The following MROH2A variants were observed in gnomAD, a reference collection of about 807,000 sequenced individuals.
MROH2A encodes maestro heat-like repeat-containing protein family member 2A.
MROH2A carries 174 observed loss-of-function variants against 200.4 expected under a neutral mutation model. The observed-to-expected ratio is 0.87, with a 90% CI of 0.77 to 0.98. The LOEUF (loss-of-function observed/expected upper bound fraction) is 0.98, where lower values mean the gene tolerates loss of function less well. Ranked by LOEUF, MROH2A falls within the 50% of genes least tolerant of loss-of-function variation. The pLI is 0.00. For synonymous variants in MROH2A, 829 were observed against 840.4 expected (o/e 0.99, Z 0.23); for missense variants, 2,045 against 2,139.6 (o/e 0.96, Z 0.87).
Position 233,833,364 on chromosome 2 carries a change from A to G in MROH2A, c.*105A>G. 5 of 1,215,834 alleles carry G rather than the reference A, an allele frequency of 4.1e-6. No individual in the cohort carries two copies. The highest frequency in any genetic ancestry group is 5.5e-6 in the Non-Finnish European group (5 of 902,922). The allele number at this position is 1,215,834 out of a possible 1,614,324, so 75.3% of individuals were successfully genotyped here. A position where few individuals can be genotyped will look rare whatever the true frequency, so the allele number is the denominator to read the frequency against. ...TTTGTAGGAAAAACACTATTGTAAA[A>G]TAACTAGTATCCTTTTGTTTCCTTC... On this transcript the variant is annotated 3_prime_UTR_variant, in exon 42 of 42. Transcript: ENST00000389758.
chr2:233,811,125 C>T (rs1307262911), intron 23 of MROH2A, among the ~76,000 whole-genome samples: 1 of 152,160 alleles, frequency 6.6e-6, no homozygotes, highest in Non-Finnish European at 1.5e-5. Flanking sequence ...TGTTTGGAAA[C>T]CAGGGTGGGA....
chr2:233,787,769 CATATATATTATATATATCATATATA>C lies in MROH2A; in HGVS notation c.277-1710_277-1686del, dbSNP rs1701351697. 1.1e-4 allele frequency among the ~76,000 whole-genome samples: 2 copies of C among 18,434 alleles called. 1 individual carries two copies. The highest frequency in any genetic ancestry group is 6.5e-4 in the African/African-American group (2 of 3,068). 12.1% of individuals were successfully genotyped at this position (18,434 alleles called of 152,430 possible). A position where few individuals can be genotyped will look rare whatever the true frequency, so the allele number is the denominator to read the frequency against. ...ATATATATTATATATATCATATATA[CATATATATTATATATATCATATATA>C]ATATATATTATATATATTATATATA... is the stretch of plus-strand genomic sequence containing the variant. On this transcript the variant is annotated intron_variant, in intron 3 of 41. Transcript: ENST00000389758.
At chr2:233,795,940 C>T (rs1161035201) in intron 9 of MROH2A, 27 bp from the exon 10 acceptor site, 1 of 1,548,952 alleles carries the variant, frequency 6.5e-7, no homozygotes. Flanking sequence ...GTGATCTCCT[C>T]CAGCCTCACT....
In MROH2A at chr2:233,828,218, T is replaced by C. The variant is rs1178587637; in HGVS notation, c.4114-412T>C. On this transcript the variant is annotated intron_variant, in intron 35 of 41. Transcript: ENST00000389758. This position sits in a 1 kb window ranked among gnomAD's most constrained non-coding sequence, Gnocchi z 4.6. Reference sequence around the variant, plus strand: ...ATGTACACACATGTACACACATGCATGCACCCACACGCATACCAGTGAGGT... The same window carrying C: ...ATGTACACACATGTACACACATGCACGCACCCACACGCATACCAGTGAGGT... Among the ~76,000 whole-genome samples, 38 of 152,190 alleles carry C rather than the reference T, an allele frequency of 2.5e-4. No individual in the cohort carries two copies.
In MROH2A at chr2:233,788,024, A is replaced by G. The variant is rs1235631723; in HGVS notation, c.277-1473A>G. On this transcript the variant is annotated intron_variant, in intron 3 of 41. Transcript: ENST00000389758. ...ATATATACATATATATTATATATAC[A>G]TATATTATATATATACATATATATT... is the stretch of plus-strand genomic sequence containing the variant. Among the ~76,000 whole-genome samples, 108 of 78,478 alleles carry G rather than the reference A, an allele frequency of 1.4e-3. 3 individuals carry two copies. Among genetic ancestry groups the G allele is most frequent in the African/African-American group, 4.4e-3 (77 of 17,338 alleles). 51.5% of individuals were successfully genotyped at this position (78,478 alleles called of 152,430 possible). A position where few individuals can be genotyped will look rare whatever the true frequency, so the allele number is the denominator to read the frequency against.
intron 16 of MROH2A, 70 bp from the exon 17 acceptor site, chr2:233,803,981 G>A: frequency 6.6e-7 from 1 of 1,520,884 alleles, no homozygotes; most frequent in Non-Finnish European, 8.9e-7. Context: ...TTAAAAATGA[G>A]GACAAAGAGC....
At chr2:233,821,783 C>T (rs1703951820) in intron 31 of MROH2A, among the ~76,000 whole-genome samples, 1 of 152,020 alleles carries the variant, frequency 6.6e-6, no homozygotes, top group South Asian at 2.1e-4. Context: ...CGACAACCAA[C>T]CTGATGCAAA....
chr2:233,779,893 C>G (rs1245281386), intron 3 of MROH2A, 41 bp downstream of exon 3: 2 of 1,473,852 alleles, frequency 1.4e-6, no homozygotes, highest in South Asian at 1.2e-5. Flanking sequence ...ACCTTTAGCT[C>G]TGTGTGCATC....
At position 233,789,510 on chromosome 2, in the gene MROH2A, G is replaced by A. The variant is rs767408226; in HGVS notation, c.290G>A (p.Arg97His). 1.7e-5 allele frequency: 25 copies of A among 1,436,258 alleles called. No individual in the cohort carries two copies. Among genetic ancestry groups the A allele is most frequent in the South Asian group, 3.2e-5 (2 of 62,936 alleles). 89.0% of individuals were successfully genotyped at this position (1,436,258 alleles called of 1,614,324 possible). The change falls in exon 4 of 42, where the codon CGC becomes CAC. Residue 97 changes from arginine to histidine, a missense_variant. Transcript: ENST00000389758. The part of the protein sequence containing the change: ...CLQVPEISTQ[R>H]KVNIYNILQD... ...CTTGTTTCCCAGATTTCCACCCAGC[G>A]CAAGGTCAACATTTACAACATCCTC...
At chr2:233,816,759 G>A (rs759002562) in intron 26 of MROH2A, 22 bp from the exon 27 acceptor site, 10 of 1,520,548 alleles carry the variant, frequency 6.6e-6, no homozygotes, top group East Asian at 2.5e-5. Flanking sequence ...ACCCACTTTG[G>A]TGTTCTGGGC....
intron 35 of MROH2A, 75 bp downstream of exon 35, chr2:233,823,739 T>C (rs1704121479): frequency 6.6e-7 from 1 of 1,517,510 alleles, no homozygotes; most frequent in African/African-American, 1.4e-5. Context: ...TGGGGATGGC[T>C]TGTCTCCAAG....
rs1283777634 is a variant in MROH2A at position 233,779,346 on chromosome 2, G to A, written c.-13G>A. 1 of 1,535,942 alleles carries A rather than the reference G, an allele frequency of 6.5e-7. No individual in the cohort carries two copies. The highest frequency in any genetic ancestry group is 8.8e-7 in the Non-Finnish European group (1 of 1,133,798). On this transcript the variant is annotated splice_region_variant and 5_prime_UTR_variant, in exon 2 of 42. Transcript: ENST00000389758. ...TACAAATTCTGTTGATCTCAAAAGAGCTTGAGGAAGAGATGACTGAAGCCA... is the reference window on the plus strand; with the variant it reads ...TACAAATTCTGTTGATCTCAAAAGAACTTGAGGAAGAGATGACTGAAGCCA...
chr2:233,831,565 GC>G, intron 39 of MROH2A, 25 bp downstream of exon 39: 1 of 1,543,476 alleles, frequency 6.5e-7, no homozygotes, highest in Non-Finnish European at 8.7e-7. Context: ...GGGGGAACCA[GC>G]CCGTCCCAGG....
At chr2:233,777,967 G>A (rs751036525), upstream of MROH2A, among the ~76,000 whole-genome samples, 5 of 152,102 alleles carry the variant, frequency 3.3e-5, no homozygotes, top group South Asian at 4.1e-4. Flanking sequence ...TCCAGTCCCC[G>A]GGAAGGAGGA....
chr2:233,789,437 A>T, intron 3 of MROH2A, 60 bp from the exon 4 acceptor site: 2 of 1,321,924 alleles, frequency 1.5e-6, no homozygotes, highest in Non-Finnish European at 1.9e-6. Flanking sequence ...TGGGAGAGAG[A>T]GGTGGACTTG....
intron 22 of MROH2A, among the ~76,000 whole-genome samples, chr2:233,810,517 G>A (rs1160839612): frequency 6.6e-6 from 1 of 152,224 alleles, no homozygotes; most frequent in Non-Finnish European, 1.5e-5. Flanking sequence ...TACAATTCAA[G>A]TTGAGATTTG....
At chr2:233,781,445 T>C (rs1247516088) in intron 3 of MROH2A, among the ~76,000 whole-genome samples, 1 of 152,246 alleles carries the variant, frequency 6.6e-6, no homozygotes, top group African/African-American at 2.4e-5. Flanking sequence ...TGGAGTGAGA[T>C]AATATCTCAT....
chr2:233,819,234 A>G, intron 29 of MROH2A, 83 bp from the exon 30 acceptor site: 1 of 1,365,372 alleles, frequency 7.3e-7, no homozygotes, highest in East Asian at 2.5e-5. Flanking sequence ...GAGTGGGGCC[A>G]TGGGGTGGGA....
At position 233,832,187 on chromosome 2, in the gene MROH2A, A is replaced by G; in HGVS notation, c.4745A>G (p.Lys1582Arg). Residue 1582 changes from lysine (K) to arginine (R), a missense_variant, in exon 40 of 42, where the codon AAG becomes AGG. Transcript: ENST00000389758. ...ACTTACTTTTTGCAGACTCGGAAAA[A>G]GCCGGCTGTTCTCTACCGCTTCTTG... ...TTMCSILTRK[K>R]PAVLYRFLLE... The G allele has an allele frequency of 6.4e-7, 1 of 1,550,592 alleles. No individual in the cohort carries two copies. Among genetic ancestry groups the G allele is most frequent in the South Asian group, 1.2e-5 (1 of 84,058 alleles).
Sources: allele counts gnomAD v4.1 joint callset (sites outside exome capture counted in the v4.1 genomes callset), GRCh38; gene constraint gnomAD v4.1.1; non-coding constraint Gnocchi (gnomAD v3.1); transcripts MANE v1.5; gene names NCBI Gene and HGNC (gene_info 2026-07-23, HGNC 2026-07-21).